Variants in PRKAB2 observed in about 807,000 individuals in gnomAD.
The protein encoded by PRKAB2 is protein kinase AMP-activated non-catalytic subunit beta 2.
PRKAB2 carries 18 observed loss-of-function variants against 29.8 expected under a neutral mutation model. That is an observed-to-expected ratio of 0.60 (90% confidence interval 0.42 to 0.89). PRKAB2 has a LOEUF of 0.89. PRKAB2 is among the 40% of genes least tolerant of loss of function. The probability of loss-of-function intolerance (pLI) is 0.00; values close to 1 mark genes in which losing one functional copy is unlikely to be tolerated. For missense variants in PRKAB2, 270 were observed against 344.3 expected (o/e 0.78, Z 1.71); for synonymous variants, 136 against 125.9 (o/e 1.08, Z -0.54).
At position 147,172,001 on chromosome 1, in the gene PRKAB2, G is replaced by A. The variant is rs34838459; in HGVS notation, c.144C>T (p.Leu48=). The A allele has an allele frequency of 0.031, 49,493 of 1,601,202 alleles. 1,126 individuals carry two copies. The highest frequency in any genetic ancestry group is 0.089 in the South Asian group (7,836 of 87,954). ...GSTDDPSVFS[L]PDSKLPGDKE... is the part of the protein sequence containing the mutation. The stretch of plus-strand genomic sequence containing the variant: ...ATGGGACGCTTACCTTGGAGTCAGG[G>A]AGGCTGAACACGCTGGGGTCGTCCG... The change falls in exon 2 of 8, where the codon CTC becomes CTT. Residue 48 remains leucine, a synonymous_variant. Coordinates refer to ENST00000254101, the MANE Select transcript of PRKAB2 (RefSeq NM_005399.5).
chr1:147,166,453 C>A, intron 5 of PRKAB2, 45 bp downstream of exon 5: 1 of 1,592,096 alleles, frequency 6.3e-7, no homozygotes, highest in Non-Finnish European at 8.6e-7. Context: ...TAGGAAGGAA[C>A]TACAAGAAAG....
intron 3 of PRKAB2, 51 bp from the exon 4 acceptor site, chr1:147,166,990 G>T: frequency 6.9e-7 from 1 of 1,440,268 alleles, no homozygotes; most frequent in Non-Finnish European, 9.7e-7. Context: ...TTAGAAGACT[G>T]AATCTAAAAA....
rs1307227742 is a variant in PRKAB2 at position 147,157,282 on chromosome 1, G to A, written c.*2283C>T. On this transcript the variant is annotated 3_prime_UTR_variant, in exon 8 of 8. Coordinates refer to ENST00000254101, the MANE Select transcript of PRKAB2 (RefSeq NM_005399.5). ...AGCAGTATAGAAAAGGGACAGTGCT[G>A]AATGAGTCAGCACCCAGTGCCTCCT... The A allele has an allele frequency of 6.6e-6, 1 of 152,106 alleles. No homozygotes were observed. Among genetic ancestry groups the A allele is most frequent in the African/African-American group, 2.4e-5 (1 of 41,424 alleles). The allele number at this position is 152,106 out of a possible 1,614,324, so 9.4% of individuals were successfully genotyped here.
chr1:147,159,758 G>GC, intron 7 of PRKAB2, 116 bp from the exon 8 acceptor site: 1 of 888,832 alleles, frequency 1.1e-6, no homozygotes. Context: ...TGATATAAGA[G>GC]CAGGAGGTCA....
At chr1:147,159,702 C>T (rs587713300) in intron 7 of PRKAB2, 60 bp from the exon 8 acceptor site, 16 of 1,443,694 alleles carry the variant, frequency 1.1e-5, no homozygotes, top group Non-Finnish European at 1.4e-5. Context: ...GTAGCTCTTC[C>T]CAGTCATCAG....
chr1:147,164,502 G>A (rs1654135469), intron 5 of PRKAB2, among the ~76,000 whole-genome samples: 1 of 152,042 alleles, frequency 6.6e-6, no homozygotes, highest in South Asian at 2.1e-4. Flanking sequence ...AAAGAAAAAA[G>A]CAGAAGTAAT....
chr1:147,165,828 C>T (rs1344060816), intron 5 of PRKAB2, among the ~76,000 whole-genome samples: 1 of 151,998 alleles, frequency 6.6e-6, no homozygotes, highest in Non-Finnish European at 1.5e-5. Flanking sequence ...GGCAGTATCT[C>T]ACTCTGCTGC....
intron 5 of PRKAB2, among the ~76,000 whole-genome samples, chr1:147,166,039 CCA>C (rs1654232190): frequency 6.6e-6 from 1 of 152,084 alleles, no homozygotes; most frequent in Non-Finnish European, 1.5e-5. Context: ...ATTTTTTTCC[CCA>C]CATTTTTTGG....
At chr1:147,169,441 T>C (rs1654409001) in intron 2 of PRKAB2, among the ~76,000 whole-genome samples, 1 of 152,200 alleles carries the variant, frequency 6.6e-6, no homozygotes, top group African/African-American at 2.4e-5. Flanking sequence ...ATTTGACATA[T>C]GCCTAAGAAT....
chr1:147,162,680 G>T, intron 5 of PRKAB2, 107 bp from the exon 6 acceptor site: 1 of 1,202,894 alleles, frequency 8.3e-7, no homozygotes, highest in Non-Finnish European at 1.1e-6. Context: ...TAGAAGTCCT[G>T]GATCACAAAC....
In PRKAB2 at chr1:147,158,631, G is replaced by A. The variant is rs587669055; in HGVS notation, c.*934C>T. ...GGATGAAAGACATGAAAATACTCCC[G>A]GGTTCCACTCCTGCCTTCAGAACTG... On this transcript the variant is annotated 3_prime_UTR_variant, in exon 8 of 8. Transcript: ENST00000254101. The A allele has an allele frequency of 1.4e-4, 21 of 152,042 alleles. No individual in the cohort carries two copies. Among genetic ancestry groups the A allele is most frequent in the Admixed American group, 1.2e-3 (18 of 15,270 alleles). 9.4% of individuals were successfully genotyped at this position (152,042 alleles called of 1,614,324 possible). A position where few individuals can be genotyped will look rare whatever the true frequency, so the allele number is the denominator to read the frequency against.
intron 2 of PRKAB2, among the ~76,000 whole-genome samples, chr1:147,170,257 T>C (rs1654450903): frequency 6.6e-6 from 1 of 152,200 alleles, no homozygotes; most frequent in Non-Finnish European, 1.5e-5. Flanking sequence ...ATTATATGAA[T>C]AATTTTCTTA....
At position 147,167,869 on chromosome 1, in the gene PRKAB2, T is replaced by C. The variant is rs1553913878; in HGVS notation, c.221A>G (p.Gln74Arg). The C allele has an allele frequency of 9.3e-6, 15 of 1,614,174 alleles. No individual in the cohort carries two copies. The highest frequency in any genetic ancestry group is 2.2e-5 in the East Asian group (1 of 44,874). The change falls in exon 3 of 8, where the codon CAG becomes CGG. Residue 74 changes from glutamine (Q) to arginine (R), a missense_variant. Gln to Arg is a conservative substitution (Grantham distance 43). Transcript: ENST00000254101. ...GCGGATAACAGTGGGCCGGGCCTGCTGTGTGGGCTTTACGGAGTCCTCCAA... is the reference window on the plus strand; with the variant it reads ...GCGGATAACAGTGGGCCGGGCCTGCCGTGTGGGCTTTACGGAGTCCTCCAA... ...QDLEDSVKPTQQARPTVIRWS... is the reference protein window; with the variant it reads ...QDLEDSVKPTRQARPTVIRWS...
At chr1:147,172,360 G>A (rs1654704890) in intron 1 of PRKAB2, 69 bp downstream of exon 1, 1 of 641,742 alleles carries the variant, frequency 1.6e-6, no homozygotes. Context: ...CCCTAGCTCA[G>A]GAAACCCGCT....
Position 147,172,063 on chromosome 1 carries a change from C to T in PRKAB2, c.82G>A (p.Ala28Thr), listed in dbSNP as rs587635949. 1 of 1,579,558 alleles carries T rather than the reference C, an allele frequency of 6.3e-7. No homozygotes were observed. The highest frequency in any genetic ancestry group is 8.6e-7 in the Non-Finnish European group (1 of 1,163,532). ...ATGATCTTGTGCTCCTTCCCCGGGG[C>T]ATGGCCGCCTGCGCCCTCGGAGCGT... Reference protein sequence around the residue: ...AARSEGAGGHAPGKEHKIMVG... With the variant: ...AARSEGAGGHTPGKEHKIMVG... Residue 28 changes from alanine to threonine, a missense_variant, in exon 2 of 8, where the codon GCC becomes ACC. By Grantham distance (58) the Ala-to-Thr change is moderately conservative (BLOSUM62 0). Around this residue, in one of 2 missense-constraint regions of PRKAB2, gnomAD observed 228 missense variants for 255.5 expected, o/e 0.89. Coordinates refer to ENST00000254101, the MANE Select transcript of PRKAB2 (RefSeq NM_005399.5).
rs190240698 is a variant in PRKAB2, at chr1:147,156,973, C to T, written c.*2592G>A. ...TCTTCTCTTCCCCACAATTCCGAAA[C>T]TATGTTGAAGTTCTTTAAAGGTCGG... On this transcript the variant is annotated 3_prime_UTR_variant, in exon 8 of 8. Coordinates refer to ENST00000254101, the MANE Select transcript of PRKAB2 (RefSeq NM_005399.5). 6.6e-6 allele frequency: 1 copy of T among 152,180 alleles called. No individual in the cohort carries two copies. Among genetic ancestry groups the T allele is most frequent in the Non-Finnish European group, 1.5e-5 (1 of 67,990 alleles). 9.4% of individuals were successfully genotyped at this position (152,180 alleles called of 1,614,324 possible).
intron 7 of PRKAB2, 70 bp from the exon 8 acceptor site, chr1:147,159,712 G>T: frequency 1.5e-6 from 2 of 1,309,324 alleles, no homozygotes; most frequent in East Asian, 2.3e-5. Flanking sequence ...CCAGTCATCA[G>T]TCCTTCACAG....
intron 2 of PRKAB2, among the ~76,000 whole-genome samples, chr1:147,170,392 G>A (rs1370405314): frequency 1.3e-5 from 2 of 152,140 alleles, no homozygotes; most frequent in African/African-American, 4.8e-5. Flanking sequence ...CAAATACACT[G>A]TATTTAAATC....
chr1:147,158,761 T>C lies in PRKAB2; in HGVS notation c.*804A>G, dbSNP rs995792478. On this transcript the variant is annotated 3_prime_UTR_variant, in exon 8 of 8. Coordinates refer to ENST00000254101, the MANE Select transcript of PRKAB2 (RefSeq NM_005399.5). Reference sequence around the variant, plus strand: ...TTGGCACCAAACTAAAACAAAAATGTAGGTGTTCTGCATTCTGCCTTTCTT... The same window carrying C: ...TTGGCACCAAACTAAAACAAAAATGCAGGTGTTCTGCATTCTGCCTTTCTT... 6.6e-6 allele frequency: 1 copy of C among 152,138 alleles called. No homozygotes were observed. Among genetic ancestry groups the C allele is most frequent in the Non-Finnish European group, 1.5e-5 (1 of 68,018 alleles). The allele number at this position is 152,138 out of a possible 1,614,324, so 9.4% of individuals were successfully genotyped here.
Sources: allele counts gnomAD v4.1 joint callset (sites outside exome capture counted in the v4.1 genomes callset), GRCh38; gene constraint gnomAD v4.1.1; regional missense constraint gnomAD v4.1.1; transcripts MANE v1.5; gene names NCBI Gene and HGNC (gene_info 2026-07-23, HGNC 2026-07-21).